The following KCNAB1 variants were observed in gnomAD, a reference collection of about 807,000 sequenced individuals.
The protein encoded by KCNAB1 is potassium voltage-gated channel subfamily A regulatory beta subunit 1.
Under a neutral mutation model 64.6 loss-of-function variants are expected in KCNAB1, and 35 were observed. The ratio of observed to expected loss-of-function variants is 0.54; its 90% CI spans 0.41 to 0.72. The LOEUF (loss-of-function observed/expected upper bound fraction) is 0.72. Among genes scored for constraint, KCNAB1 ranks in the 30% least tolerant of loss-of-function variants. The probability of loss-of-function intolerance (pLI) is 0.00; values close to 1 mark genes in which losing one functional copy is unlikely to be tolerated. For missense variants in KCNAB1, 401 were observed against 512.9 expected (o/e 0.78, Z 2.11); for synonymous variants, 177 against 183.8 (o/e 0.96, Z 0.30).
rs34671816 is a variant in KCNAB1, at chr3:156,338,303, C to CTTTTTTTTTT, written c.276-83295_276-83286dup. ...TCTTATACTTTCTTTGGCATTTGCACTTTTTTTTTTTTTTTTTTTTTTTTT... is the reference window on the plus strand; with the variant it reads ...TCTTATACTTTCTTTGGCATTTGCACTTTTTTTTTTTTTTTTTTTTTTTTTTTTTTTTTTT... On this transcript the variant is annotated intron_variant, in intron 1 of 13. Transcript: ENST00000490337. Among the ~76,000 whole-genome samples the CTTTTTTTTTT allele has an allele frequency of 7.3e-3, 287 of 39,484 alleles. 80 individuals are homozygous for CTTTTTTTTTT. The highest frequency in any genetic ancestry group is 0.02 in the African/African-American group (225 of 11,394). The allele number at this position is 39,484 out of a possible 152,430, so 25.9% of individuals were successfully genotyped here.
At chr3:156,155,964 C>T (rs1715687207) in intron 1 of KCNAB1, among the ~76,000 whole-genome samples, 1 of 152,184 alleles carries the variant, frequency 6.6e-6, no homozygotes, top group African/African-American at 2.4e-5. Flanking sequence ...CTCTCAGGAA[C>T]TGGGAAGCTT....
intron 1 of KCNAB1, among the ~76,000 whole-genome samples, chr3:156,301,692 G>A (rs1485479953): frequency 6.6e-6 from 1 of 152,176 alleles, no homozygotes; most frequent in Non-Finnish European, 1.5e-5. Flanking sequence ...CTCCAGAAGT[G>A]ATCTTTTGGA....
intron 1 of KCNAB1, among the ~76,000 whole-genome samples, chr3:156,378,734 A>G (rs1488124326): frequency 6.6e-6 from 1 of 152,134 alleles, no homozygotes; most frequent in East Asian, 1.9e-4. Flanking sequence ...CTAGAACCCA[A>G]CATAGTGCCT....
chr3:156,126,749 A>G lies in KCNAB1; in HGVS notation c.275+5863A>G, dbSNP rs1252777952. Among the ~76,000 whole-genome samples the G allele has an allele frequency of 2.6e-5, 4 of 152,210 alleles. No individual in the cohort carries two copies. In the East Asian group the frequency reaches 7.7e-4, roughly 29 times the overall value. Reference sequence around the variant, plus strand: ...TCAAGCCCTGGCTCTACCAATTATCAGCTATGTGATTTAGTCTTCTCAGCT... The same window carrying G: ...TCAAGCCCTGGCTCTACCAATTATCGGCTATGTGATTTAGTCTTCTCAGCT... On this transcript the variant is annotated intron_variant, in intron 1 of 13. Transcript: ENST00000490337.
chr3:156,399,005 C>A (rs981504369), intron 1 of KCNAB1, among the ~76,000 whole-genome samples: 3 of 152,208 alleles, frequency 2.0e-5, no homozygotes, highest in Admixed American at 6.5e-5. Context: ...TCCCATCAAT[C>A]TCCTACCCAC....
At chr3:156,398,516 C>G (rs2108185214) in intron 1 of KCNAB1, among the ~76,000 whole-genome samples, 1 of 150,146 alleles carries the variant, frequency 6.7e-6, no homozygotes, top group South Asian at 2.1e-4. Context: ...GGCATGAACC[C>G]CGGGGGGCGG....
intron 5 of KCNAB1, among the ~76,000 whole-genome samples, chr3:156,462,256 A>ATTTTAC (rs753485487): frequency 2.0e-5 from 3 of 152,236 alleles, no homozygotes; most frequent in Non-Finnish European, 4.4e-5. Flanking sequence ...ATATCCATAT[A>ATTTTAC]GGCCAAATGT....
chr3:156,409,058 CCACAGTG>C (rs1360873568), intron 1 of KCNAB1, among the ~76,000 whole-genome samples: 5 of 152,130 alleles, frequency 3.3e-5, no homozygotes, highest in African/African-American at 1.2e-4. Context: ...ACATAACCAG[CCACAGTG>C]TAGGAAGCAC....
At chr3:156,225,457 C>T (rs1252491735) in intron 1 of KCNAB1, among the ~76,000 whole-genome samples, 1 of 152,144 alleles carries the variant, frequency 6.6e-6, no homozygotes, top group Non-Finnish European at 1.5e-5. Flanking sequence ...AACCCACAGC[C>T]AATATTATAC....
chr3:156,536,670 A>T lies in KCNAB1; in HGVS notation c.1183A>T (p.Met395Leu). The T allele has an allele frequency of 1.2e-6, 2 of 1,611,288 alleles. No individual in the cohort carries two copies. Among genetic ancestry groups the T allele is most frequent in the Non-Finnish European group, 1.7e-6 (2 of 1,177,364 alleles). ...NLGAIQVLPK[M>L]TSHVVNEIDN... is the part of the protein sequence containing the mutation. ...CTCCTGCTCTCAGGTTCTCCCAAAGATGACATCACATGTGGTAAATGAGAT... is the reference window on the plus strand; with the variant it reads ...CTCCTGCTCTCAGGTTCTCCCAAAGTTGACATCACATGTGGTAAATGAGAT... The change falls in exon 14 of 14, where the codon ATG (methionine) becomes TTG (leucine). Residue 395 changes from methionine to leucine, a missense_variant. Physicochemically the swap from Met to Leu is conservative, Grantham distance 15 (BLOSUM62 2). Coordinates refer to ENST00000490337, the MANE Select transcript of KCNAB1 (RefSeq NM_172160.3).
chr3:156,330,184 T>C (rs898065360), intron 1 of KCNAB1, among the ~76,000 whole-genome samples: 2 of 152,196 alleles, frequency 1.3e-5, no homozygotes, highest in Admixed American at 6.5e-5. Flanking sequence ...AATTGGACTT[T>C]CTATGGCTTA....
intron 8 of KCNAB1, among the ~76,000 whole-genome samples, chr3:156,511,393 G>A (rs1473891462): frequency 3.9e-5 from 6 of 152,078 alleles, no homozygotes; most frequent in Non-Finnish European, 7.4e-5. Context: ...GTGAGCCACC[G>A]TGCCCCGCCC....
At chr3:156,122,231 A>G (rs1205147733) in intron 1 of KCNAB1, among the ~76,000 whole-genome samples, 3 of 152,216 alleles carry the variant, frequency 2.0e-5, no homozygotes, top group Admixed American at 2.0e-4. Flanking sequence ...TTAGTGTTAC[A>G]TATCTCATAT....
chr3:156,135,377 T>C (rs571958203), intron 1 of KCNAB1, among the ~76,000 whole-genome samples: 3 of 152,300 alleles, frequency 2.0e-5, no homozygotes, highest in African/African-American at 7.2e-5. Context: ...CATGCAACTA[T>C]TAGGCTGCCA....
chr3:156,231,890 A>T (rs1716555491), intron 1 of KCNAB1, among the ~76,000 whole-genome samples: 2 of 152,146 alleles, frequency 1.3e-5, no homozygotes, highest in Non-Finnish European at 2.9e-5. Flanking sequence ...CCTTCCTAAA[A>T]TGTATAAAAC....
upstream of KCNAB1, chr3:156,118,354 T>C (rs761901906): frequency 4.4e-6 from 2 of 454,970 alleles, no homozygotes; most frequent in Non-Finnish European, 8.8e-6. Context: ...TCAGGTTCCT[T>C]ACAGAATGAA....
At chr3:156,247,651 C>T (rs919537103) in intron 1 of KCNAB1, among the ~76,000 whole-genome samples, 1 of 152,146 alleles carries the variant, frequency 6.6e-6, no homozygotes, top group Admixed American at 6.5e-5. Context: ...CAGCCTTGAC[C>T]TCCTGGGTTC....
chr3:156,430,121 G>A (rs558651864), intron 2 of KCNAB1, among the ~76,000 whole-genome samples: 18 of 152,344 alleles, frequency 1.2e-4, no homozygotes, highest in Non-Finnish European at 2.6e-4. Context: ...CTGACAAGTG[G>A]TTGCCTTCTG....
intron 8 of KCNAB1, among the ~76,000 whole-genome samples, chr3:156,489,676 A>T (rs1715495682): frequency 1.3e-5 from 2 of 152,160 alleles, no homozygotes; most frequent in Non-Finnish European, 2.9e-5. Context: ...AATACACAAC[A>T]CAGAGACAAA....
Sources: allele counts gnomAD v4.1 joint callset (sites outside exome capture counted in the v4.1 genomes callset), GRCh38; gene constraint gnomAD v4.1.1; transcripts MANE v1.5; gene names NCBI Gene and HGNC (gene_info 2026-07-23, HGNC 2026-07-21).